Variants in DPP6 observed in about 807,000 individuals in gnomAD.
DPP6 encodes the protein A-type potassium channel modulatory protein DPP6.
DPP6 carries 69 observed loss-of-function variants against 122.6 expected under a neutral mutation model. That is an observed-to-expected ratio of 0.56 (90% CI 0.46 to 0.69). The LOEUF (loss-of-function observed/expected upper bound fraction) is 0.69. Ranked by LOEUF, DPP6 falls within the 30% of genes least tolerant of loss-of-function variation. The pLI is 0.00. For missense variants in DPP6, 928 were observed against 1,116.9 expected, an observed-to-expected ratio of 0.83 and a Z score of 2.41; for synonymous variants, 418 against 433.1, an observed-to-expected ratio of 0.97 and a Z score of 0.43.
intron 1 of DPP6, among the ~76,000 whole-genome samples, chr7:154,276,498 C>A (rs1010861926): frequency 6.6e-6 from 1 of 152,142 alleles, no homozygotes; most frequent in African/African-American, 2.4e-5. Context: ...TCTGACCTCA[C>A]AATAGAATTG....
chr7:154,803,563 G>A (rs1450799214), intron 13 of DPP6, among the ~76,000 whole-genome samples: 1 of 152,182 alleles, frequency 6.6e-6, no homozygotes, highest in African/African-American at 2.4e-5. Flanking sequence ...TTCTCCTCCT[G>A]AGATGCTTCC....
chr7:154,137,605 A>G (rs889850933), intron 1 of DPP6, among the ~76,000 whole-genome samples: 2 of 120,924 alleles, frequency 1.7e-5, no homozygotes, highest in African/African-American at 3.2e-5. Context: ...ACAAAGGAGA[A>G]CAATGCTGAG....
At chr7:154,302,979 TTTTGTTTG>T (rs35973279) in intron 1 of DPP6, among the ~76,000 whole-genome samples, 1 of 151,384 alleles carries the variant, frequency 6.6e-6, no homozygotes, top group Admixed American at 6.6e-5. Flanking sequence ...GTTTTAGTTT[TTTTGTTTG>T]TTTGTTTGTT....
At chr7:153,938,199 A>G (rs980495072) in intron 1 of DPP6, among the ~76,000 whole-genome samples, 5 of 152,154 alleles carry the variant, frequency 3.3e-5, no homozygotes, top group African/African-American at 7.2e-5. Context: ...AATCTGATCT[A>G]TTACCTTTTC....
the DPP6 span, among the ~76,000 whole-genome samples, chr7:153,764,846 C>T: frequency 6.6e-6 from 1 of 152,004 alleles, no homozygotes; most frequent in African/African-American, 2.4e-5. Flanking sequence ...AGCTTGCTTC[C>T]AATACAGTCC....
Position 154,651,700 on chromosome 7 carries a change from G to A in DPP6, c.680+13827G>A, listed in dbSNP as rs976493437. On this transcript the variant is annotated intron_variant, in intron 6 of 25. Transcript: ENST00000377770. Reference sequence around the variant, plus strand: ...CGGCAACATTACTCATTCTCAGCACGACTCTGGTTTCCGCCGTCCCAATTT... The same window carrying A: ...CGGCAACATTACTCATTCTCAGCACAACTCTGGTTTCCGCCGTCCCAATTT... Among the ~76,000 whole-genome samples, 3 of 152,142 alleles carry A rather than the reference G, an allele frequency of 2.0e-5. No individual in the cohort carries two copies. In the East Asian group the frequency reaches 5.8e-4, roughly 29 times the overall value.
At chr7:153,864,728 T>TG in the DPP6 span, among the ~76,000 whole-genome samples, 2 of 146,878 alleles carry the variant, frequency 1.4e-5, no homozygotes, top group Admixed American at 1.4e-4. Flanking sequence ...CACACGTGCT[T>TG]GGGGAACTTT....
chr7:153,832,107 T>A, the DPP6 span, among the ~76,000 whole-genome samples: 1 of 152,158 alleles, frequency 6.6e-6, no homozygotes, highest in Non-Finnish European at 1.5e-5. Context: ...GGTATGTGAG[T>A]GTATGAACAT....
chr7:153,938,063 A>G (rs138527090), intron 1 of DPP6, among the ~76,000 whole-genome samples: 10 of 152,154 alleles, frequency 6.6e-5, no homozygotes, highest in Non-Finnish European at 1.5e-4. Context: ...CCTGCAGTGT[A>G]TTACATCCTA....
intron 9 of DPP6, among the ~76,000 whole-genome samples, chr7:154,769,925 G>A (rs1011786921): frequency 6.6e-6 from 1 of 152,164 alleles, no homozygotes; most frequent in African/African-American, 2.4e-5. Flanking sequence ...AAGGCAGAAA[G>A]ACTTCCATCT....
intron 8 of DPP6, among the ~76,000 whole-genome samples, chr7:154,763,384 G>T (rs998833452): frequency 1.3e-5 from 2 of 151,698 alleles, no homozygotes; most frequent in African/African-American, 4.8e-5. Context: ...GAGAAAGAAA[G>T]AAAGGGAAAG....
intron 5 of DPP6, chr7:154,587,409 T>C: frequency 1.7e-6 from 1 of 581,258 alleles, no homozygotes; most frequent in Non-Finnish European, 3.0e-6. Flanking sequence ...GGACCAATGC[T>C]GCCGCTTTCC....
chr7:154,703,632 A>AG lies in DPP6; in HGVS notation c.763-24135_763-24134insG, dbSNP rs1554441276. Among the ~76,000 whole-genome samples, 765 of 151,578 alleles carry AG rather than the reference A, an allele frequency of 5.0e-3. 8 individuals are homozygous for AG. The highest frequency in any genetic ancestry group is 0.018 in the African/African-American group (725 of 41,174). ...ACACTCTGTCTCAAAAAAAAAAAAA[A>AG]AAAGAAAAGAAATACATTTCATAGG... is the stretch of plus-strand genomic sequence containing the variant. On this transcript the variant is annotated intron_variant, in intron 7 of 25. Transcript: ENST00000377770.
the DPP6 span, among the ~76,000 whole-genome samples, chr7:153,771,218 T>C: frequency 5.3e-5 from 8 of 151,892 alleles, no homozygotes; most frequent in Non-Finnish European, 1.2e-4. Context: ...GAACAAAATA[T>C]GAGAAGGTCC....
intron 1 of DPP6, among the ~76,000 whole-genome samples, chr7:154,127,915 A>T (rs1467324452): frequency 1.3e-5 from 2 of 151,286 alleles, no homozygotes; most frequent in Non-Finnish European, 3.0e-5. Flanking sequence ...GTTCTACCTC[A>T]CAGAGAGAAG....
chr7:154,726,829 C>T (rs1274382553), intron 7 of DPP6, among the ~76,000 whole-genome samples: 2 of 152,224 alleles, frequency 1.3e-5, no homozygotes, highest in Non-Finnish European at 2.9e-5. Context: ...TTCCAATCAT[C>T]TATTTGCTCA....
intron 1 of DPP6, among the ~76,000 whole-genome samples, chr7:154,436,822 T>C (rs1818909732): frequency 1.3e-5 from 2 of 152,342 alleles, no homozygotes; most frequent in South Asian, 4.2e-4. Context: ...GGAAATGTCT[T>C]TCTGGCTTGT....
At chr7:154,383,438 A>G (rs1813803833) in intron 1 of DPP6, among the ~76,000 whole-genome samples, 1 of 152,248 alleles carries the variant, frequency 6.6e-6, no homozygotes, top group Non-Finnish European at 1.5e-5. Flanking sequence ...ATTGTTTAAT[A>G]TGAGAATATT....
intron 8 of DPP6, among the ~76,000 whole-genome samples, chr7:154,752,052 G>A (rs909905965): frequency 5.3e-5 from 8 of 152,172 alleles, no homozygotes; most frequent in African/African-American, 1.9e-4. Context: ...TACAGAGCAG[G>A]GCGTCCTTGG....
Sources: allele counts gnomAD v4.1 joint callset (sites outside exome capture counted in the v4.1 genomes callset), GRCh38; gene constraint gnomAD v4.1.1; transcripts MANE v1.5; gene names NCBI Gene and HGNC (gene_info 2026-07-23, HGNC 2026-07-21).